The following TRIO variants were observed in gnomAD, a reference collection of about 807,000 sequenced individuals.
TRIO encodes triple functional domain protein.
Under a neutral mutation model 351.9 loss-of-function variants are expected in TRIO, and 58 were observed. That is an observed-to-expected ratio of 0.16 (90% confidence interval 0.13 to 0.21). The LOEUF is 0.21. Among genes scored for constraint, TRIO ranks in the 10% least tolerant of loss-of-function variants. The pLI is 1.00. For synonymous variants in TRIO, 1,758 were observed against 1,595.7 expected (o/e 1.10, Z -2.42); for missense variants, 3,201 against 4,027.8 (o/e 0.79, Z 5.56).
At chr5:14,209,806 A>AT (rs2152190563) in intron 1 of TRIO, among the ~76,000 whole-genome samples, 1 of 152,362 alleles carries the variant, frequency 6.6e-6, no homozygotes, top group African/African-American at 2.4e-5. Flanking sequence ...TCAAGGCAGT[A>AT]TTTTTAAATT....
At chr5:14,147,457 T>C (rs754013645) in intron 1 of TRIO, among the ~76,000 whole-genome samples, 15 of 152,190 alleles carry the variant, frequency 9.9e-5, no homozygotes, top group Non-Finnish European at 1.9e-4. Context: ...TGAGAGCGTG[T>C]GTGTGTGGTG....
intron 53 of TRIO, 163 bp downstream of exon 53, chr5:14,498,803 G>C: frequency 9.2e-7 from 1 of 1,081,282 alleles, no homozygotes; most frequent in South Asian, 1.6e-5. Context: ...AGACCAGAGT[G>C]TCTGGGATGT....
chr5:14,393,244 G>C (rs1747265237), intron 27 of TRIO, among the ~76,000 whole-genome samples: 1 of 151,920 alleles, frequency 6.6e-6, no homozygotes. Flanking sequence ...GGCCTGTCGG[G>C]GGGTGGGGGT....
At chr5:14,195,774 A>G (rs142591962) in intron 1 of TRIO, among the ~76,000 whole-genome samples, 1 of 152,274 alleles carries the variant, frequency 6.6e-6, no homozygotes, top group East Asian at 1.9e-4. Flanking sequence ...TGTTATTATC[A>G]TGATTGACTG....
intron 15 of TRIO, 148 bp downstream of exon 15, chr5:14,364,964 C>T (rs1744469642): frequency 2.8e-6 from 3 of 1,057,520 alleles, no homozygotes; most frequent in Non-Finnish European, 3.9e-6. Context: ...TGCGCACATA[C>T]ACACACCCCC....
At chr5:14,420,086 C>T (rs1175709899) in intron 34 of TRIO, 65 bp downstream of exon 34, 9 of 1,568,404 alleles carry the variant, frequency 5.7e-6, no homozygotes, top group South Asian at 2.4e-5. Context: ...GCTCTGTCTC[C>T]GCGCCTCTCC....
intron 11 of TRIO, among the ~76,000 whole-genome samples, chr5:14,350,953 C>T (rs1743028708): frequency 6.6e-6 from 1 of 152,126 alleles, no homozygotes; most frequent in Admixed American, 6.5e-5. Flanking sequence ...GTAAGGAGTG[C>T]ACAACCTGGA....
At chr5:14,294,683 A>G (rs1581552034) in intron 6 of TRIO, among the ~76,000 whole-genome samples, 1 of 152,116 alleles carries the variant, frequency 6.6e-6, no homozygotes, top group South Asian at 2.1e-4. Flanking sequence ...TGACTTTCTT[A>G]TTTGCCATGT....
At chr5:14,233,683 A>G (rs910373696) in intron 1 of TRIO, among the ~76,000 whole-genome samples, 25 of 152,114 alleles carry the variant, frequency 1.6e-4, no homozygotes, top group African/African-American at 5.8e-4. Flanking sequence ...GATTCCGGGC[A>G]TGCACCACCA....
chr5:14,351,961 G>A (rs1413872689), intron 11 of TRIO, among the ~76,000 whole-genome samples: 4 of 152,250 alleles, frequency 2.6e-5, no homozygotes, highest in African/African-American at 9.6e-5. Context: ...TCCCTTTCCA[G>A]GTAGTGAGGA....
intron 1 of TRIO, among the ~76,000 whole-genome samples, chr5:14,180,820 T>C (rs1451413454): frequency 6.7e-6 from 1 of 150,158 alleles, no homozygotes; most frequent in African/African-American, 2.4e-5. Context: ...ACAGAGTGAG[T>C]GGTCCCATGT....
chr5:14,401,072 C>T lies in TRIO; in HGVS notation c.4716+8C>T, dbSNP rs1488673807. ...AATAAAATTGTCCTTAAGGTACGTT[C>T]ATTTGAAGCTGGGAATGTGCTGTTT... On this transcript the variant is annotated splice_region_variant and intron_variant, in intron 31 of 56. Coordinates refer to ENST00000344204, the MANE Select transcript of TRIO (RefSeq NM_007118.4). 6.2e-7 allele frequency: 1 copy of T among 1,610,538 alleles called. No individual in the cohort carries two copies. Among genetic ancestry groups the T allele is most frequent in the East Asian group, 2.2e-5 (1 of 44,826 alleles).
At chr5:14,374,826 A>G (rs1745415399) in intron 19 of TRIO, among the ~76,000 whole-genome samples, 1 of 152,068 alleles carries the variant, frequency 6.6e-6, no homozygotes, top group African/African-American at 2.4e-5. Flanking sequence ...ATTTGAGTGT[A>G]AAAACCTGTA....
chr5:14,449,526 G>A (rs1448195886), intron 34 of TRIO, among the ~76,000 whole-genome samples: 1 of 152,156 alleles, frequency 6.6e-6, no homozygotes, highest in East Asian at 1.9e-4. Flanking sequence ...TCGGCTGCTG[G>A]TCACAAGGCA....
intron 49 of TRIO, among the ~76,000 whole-genome samples, chr5:14,496,568 C>G (rs1478254351): frequency 6.6e-6 from 1 of 152,214 alleles, no homozygotes; most frequent in African/African-American, 2.4e-5. Flanking sequence ...CAGAAACACC[C>G]TCACAGGAAT....
At chr5:14,415,731 C>T (rs767909967) in intron 33 of TRIO, among the ~76,000 whole-genome samples, 54 of 151,990 alleles carry the variant, frequency 3.6e-4, no homozygotes, top group Non-Finnish European at 6.6e-4. Context: ...GGAAAGGAAC[C>T]GATTTGATTT....
chr5:14,270,698 A>G (rs1481604541), intron 1 of TRIO, 127 bp from the exon 2 acceptor site: 1 of 716,806 alleles, frequency 1.4e-6, no homozygotes, highest in Non-Finnish European at 2.4e-6. Flanking sequence ...TTGTGCTATG[A>G]TCATGTTTCT....
intron 48 of TRIO, chr5:14,488,894 C>A (rs768245502): frequency 1.3e-6 from 1 of 749,010 alleles, no homozygotes; most frequent in Non-Finnish European, 2.4e-6. Flanking sequence ...AGGCTGGGGC[C>A]GGTCCCTGCG....
chr5:14,162,200 G>T lies in TRIO; in HGVS notation c.157+18318G>T, dbSNP rs796497181. On this transcript the variant is annotated intron_variant, in intron 1 of 56. Coordinates refer to ENST00000344204, the MANE Select transcript of TRIO (RefSeq NM_007118.4). ...AAAATGAATGCAGTCCCTTTATGAT[G>T]AGGATGTGCTCCATGAAGGAGAAGA... is the stretch of plus-strand genomic sequence containing the variant. Among the ~76,000 whole-genome samples, 3 of 152,278 alleles carry T rather than the reference G, an allele frequency of 2.0e-5. No individual in the cohort carries two copies. The South Asian group carries it at 6.2e-4, about 32-fold the overall frequency.
Sources: allele counts gnomAD v4.1 joint callset (sites outside exome capture counted in the v4.1 genomes callset), GRCh38; gene constraint gnomAD v4.1.1; transcripts MANE v1.5; gene names NCBI Gene and HGNC (gene_info 2026-07-23, HGNC 2026-07-21).